Variants in KAT6A observed in about 807,000 individuals in gnomAD.
KAT6A encodes the protein histone acetyltransferase KAT6A.
Under a neutral mutation model 198.4 loss-of-function variants are expected in KAT6A, and 9 were observed. The ratio of observed to expected loss-of-function variants is 0.05; its 90% CI spans 0.03 to 0.08. The LOEUF is 0.08. Among genes scored for constraint, KAT6A ranks in the 10% least tolerant of loss-of-function variants. The pLI is 1.00. For synonymous variants in KAT6A, 890 were observed against 883.0 expected (o/e 1.01, Z -0.14); for missense variants, 2,077 against 2,509.9 (o/e 0.83, Z 3.69).
intron 8 of KAT6A, among the ~76,000 whole-genome samples, chr8:41,961,596 T>C (rs997804315): frequency 2.0e-5 from 3 of 151,570 alleles, no homozygotes; most frequent in Non-Finnish European, 2.9e-5. Context: ...CTACTAAAAA[T>C]AGAAAAATTA....
rs1821471744 is a variant in KAT6A at position 41,930,446 on chromosome 8, T to A, written c.*1759A>T. 1 of 221,380 alleles carries A rather than the reference T, an allele frequency of 4.5e-6. No individual in the cohort carries two copies. The allele number at this position is 221,380 out of a possible 1,614,324, so 13.7% of individuals were successfully genotyped here. Reference sequence around the variant, plus strand: ...AATTCTGCGTTTCTACCTAGCACGCTTGAGAAAGTCAATTAAAGTGTATTA... The same window carrying A: ...AATTCTGCGTTTCTACCTAGCACGCATGAGAAAGTCAATTAAAGTGTATTA... On this transcript the variant is annotated 3_prime_UTR_variant, in exon 17 of 17. Coordinates refer to ENST00000265713, the MANE Select transcript of KAT6A (RefSeq NM_006766.5).
In KAT6A at chr8:42,027,060, C is replaced by T. The variant is rs77223078; in HGVS notation, c.600+21318G>A. 6.6e-4 allele frequency among the ~76,000 whole-genome samples: 100 copies of T among 152,266 alleles called. 1 individual carries two copies. In the East Asian group the frequency reaches 0.019, roughly 28 times the overall value. On this transcript the variant is annotated intron_variant, in intron 2 of 16. Coordinates refer to ENST00000265713, the MANE Select transcript of KAT6A (RefSeq NM_006766.5). ...TCCACTCTATTGATGCAATGTATCA[C>T]ATTTATTGATTTGCATAGGTTGAAC...
intron 2 of KAT6A, among the ~76,000 whole-genome samples, chr8:42,044,780 G>A (rs1827830058): frequency 6.6e-6 from 1 of 152,152 alleles, no homozygotes. Flanking sequence ...GCCCACAGTA[G>A]GTGCTCAATG....
intron 2 of KAT6A, among the ~76,000 whole-genome samples, chr8:42,033,125 G>A (rs1019306500): frequency 1.3e-5 from 2 of 151,794 alleles, no homozygotes; most frequent in East Asian, 1.9e-4. Context: ...TGCCTGTCTC[G>A]GCCTCCCAAA....
intron 8 of KAT6A, among the ~76,000 whole-genome samples, chr8:41,961,972 T>C (rs1198018304): frequency 6.6e-6 from 1 of 152,164 alleles, no homozygotes; most frequent in African/African-American, 2.4e-5. Flanking sequence ...TACTTCCTTG[T>C]TGCTAAGCTG....
intron 2 of KAT6A, among the ~76,000 whole-genome samples, chr8:42,000,665 G>A (rs999771875): frequency 6.6e-6 from 1 of 151,988 alleles, no homozygotes; most frequent in African/African-American, 2.4e-5. Context: ...CATTTATTTC[G>A]GCCAAAGGTT....
chr8:42,049,508 G>A (rs1036913015), intron 1 of KAT6A: 2 of 163,098 alleles, frequency 1.2e-5, no homozygotes, highest in African/African-American at 4.8e-5. Context: ...AAAAAAAGAT[G>A]AGTAATTAGG....
intron 14 of KAT6A, chr8:41,942,239 C>T (rs999886137): frequency 4.6e-6 from 1 of 218,252 alleles, no homozygotes; most frequent in Admixed American, 5.6e-5. Context: ...GGTGCCCCAT[C>T]AGAAAACATA....
At chr8:41,965,703 G>C (rs966988752) in intron 8 of KAT6A, among the ~76,000 whole-genome samples, 3 of 152,194 alleles carry the variant, frequency 2.0e-5, no homozygotes, top group East Asian at 3.8e-4. Context: ...ATAAGACAGG[G>C]TGGAACATCT....
At chr8:41,957,119 G>C (rs557030624) in intron 8 of KAT6A, 2 of 604,264 alleles carry the variant, frequency 3.3e-6, no homozygotes, top group Non-Finnish European at 6.6e-6. Flanking sequence ...GCGGATGCCC[G>C]ATGTGAAAGT....
chr8:42,045,075 T>C (rs2150930451), intron 2 of KAT6A, among the ~76,000 whole-genome samples: 1 of 152,342 alleles, frequency 6.6e-6, no homozygotes, highest in East Asian at 1.9e-4. Flanking sequence ...TGTAAACTTT[T>C]CATATCTTTG....
intron 2 of KAT6A, among the ~76,000 whole-genome samples, chr8:42,023,070 A>G (rs746204828): frequency 1.3e-5 from 2 of 152,222 alleles, no homozygotes; most frequent in Non-Finnish European, 2.9e-5. Context: ...CCTGTACAAC[A>G]TGTTACTATA....
chr8:41,994,341 G>A (rs894069930), intron 2 of KAT6A, among the ~76,000 whole-genome samples: 2 of 152,160 alleles, frequency 1.3e-5, no homozygotes, highest in African/African-American at 4.8e-5. Context: ...AAGGTACTGT[G>A]TGATCTGTAC....
chr8:41,977,536 G>A, intron 6 of KAT6A: 1 of 446,844 alleles, frequency 2.2e-6, no homozygotes, highest in Non-Finnish European at 3.9e-6. Flanking sequence ...TACTTATAGT[G>A]CAAAGAATGA....
At chr8:41,937,218 G>T in intron 16 of KAT6A, 38 bp downstream of exon 16, 1 of 1,521,390 alleles carries the variant, frequency 6.6e-7, no homozygotes, top group Non-Finnish European at 9.0e-7. Flanking sequence ...TATATCTGAA[G>T]ACAATAAACC....
At chr8:41,995,912 G>A (rs1367242260) in intron 2 of KAT6A, among the ~76,000 whole-genome samples, 1 of 152,018 alleles carries the variant, frequency 6.6e-6, no homozygotes, top group Non-Finnish European at 1.5e-5. Context: ...TTAACCACAG[G>A]TGATTCACCC....
intron 2 of KAT6A, among the ~76,000 whole-genome samples, chr8:42,039,903 T>C (rs1587857807): frequency 4.1e-5 from 2 of 49,002 alleles, no homozygotes; most frequent in Admixed American, 3.2e-4. Context: ...CTGGCTAATA[T>C]TTTTTTTTTT....
intron 2 of KAT6A, among the ~76,000 whole-genome samples, chr8:42,000,387 C>T (rs1825429975): frequency 6.6e-6 from 1 of 151,870 alleles, no homozygotes; most frequent in Non-Finnish European, 1.5e-5. Context: ...CTCGTCTCTA[C>T]CAAAAATACA....
intron 2 of KAT6A, among the ~76,000 whole-genome samples, chr8:41,989,069 C>G (rs750336486): frequency 7.2e-5 from 11 of 152,100 alleles, no homozygotes; most frequent in African/African-American, 1.2e-4. Flanking sequence ...GAGGTACTTT[C>G]ACAAAAGTAC....
Sources: allele counts gnomAD v4.1 joint callset (sites outside exome capture counted in the v4.1 genomes callset), GRCh38; gene constraint gnomAD v4.1.1; transcripts MANE v1.5; gene names NCBI Gene and HGNC (gene_info 2026-07-23, HGNC 2026-07-21).